The following MRPS31 variants were observed in gnomAD, a reference collection of about 807,000 sequenced individuals.
MRPS31 encodes the protein small ribosomal subunit protein mS31.
Under a neutral mutation model 43.1 loss-of-function variants are expected in MRPS31, and 32 were observed. The observed-to-expected ratio is 0.74, with a 90% CI of 0.56 to 1.00. MRPS31 has a LOEUF of 1.00. Among genes scored for constraint, MRPS31 ranks in the 50% least tolerant of loss-of-function variants. MRPS31 has a pLI of 0.00. For synonymous variants in MRPS31, 165 were observed against 161.6 expected, an observed-to-expected ratio of 1.02 and a Z score of -0.16; for missense variants, 437 against 466.7, an observed-to-expected ratio of 0.94 and a Z score of 0.59.
intron 1 of MRPS31, among the ~76,000 whole-genome samples, chr13:40,768,709 G>A (rs1041216167): frequency 6.6e-6 from 1 of 152,130 alleles, no homozygotes; most frequent in African/African-American, 2.4e-5. Flanking sequence ...TATGCTCCTT[G>A]CTAAAACATA....
chr13:40,754,466 G>T (rs1243247143), intron 4 of MRPS31, among the ~76,000 whole-genome samples: 1 of 151,966 alleles, frequency 6.6e-6, no homozygotes, highest in Non-Finnish European at 1.5e-5. Context: ...TGTCTTTAAG[G>T]GCAGAAAACA....
rs557400732 is a variant in MRPS31, at chr13:40,770,787, T to C, written c.152+198A>G. 230 of 615,846 alleles carry C rather than the reference T, an allele frequency of 3.7e-4. No homozygotes were observed. In the African/African-American group the frequency reaches 4.1e-3, roughly 11 times the overall value. The allele number at this position is 615,846 out of a possible 1,614,324, so 38.1% of individuals were successfully genotyped here. On this transcript the variant is annotated intron_variant, in intron 1 of 6. Transcript: ENST00000323563. ...AAGAGGAATGAGGCGCGGCGTGTAGTAGAGCACAGCGACCAGGTTTGTAAT... is the reference window on the plus strand; with the variant it reads ...AAGAGGAATGAGGCGCGGCGTGTAGCAGAGCACAGCGACCAGGTTTGTAAT...
intron 1 of MRPS31, among the ~76,000 whole-genome samples, chr13:40,768,267 G>A (rs1880905646): frequency 6.6e-6 from 1 of 152,114 alleles, no homozygotes; most frequent in African/African-American, 2.4e-5. Flanking sequence ...ACTAGGTACT[G>A]ACAATATATT....
rs9566577 is a variant in MRPS31 at position 40,761,244 on chromosome 13, G to A, written c.441-2138C>T. ...ATTTTTCCACTGCACTACAGCCTGA[G>A]GCACAGAGTGAGAGTCTGTCTCCAA... On this transcript the variant is annotated intron_variant, in intron 2 of 6. Coordinates refer to ENST00000323563, the MANE Select transcript of MRPS31 (RefSeq NM_005830.4). 2.0e-3 allele frequency among the ~76,000 whole-genome samples: 301 copies of A among 150,942 alleles called. 4 individuals are homozygous for A. The East Asian group carries it at 0.047, about 24-fold the overall frequency.
chr13:40,750,656 G>A (rs1339449545), intron 5 of MRPS31, among the ~76,000 whole-genome samples: 3 of 146,940 alleles, frequency 2.0e-5, no homozygotes, highest in Non-Finnish European at 4.5e-5. Context: ...ATTTTTTTCT[G>A]GGTGATATCA....
intron 3 of MRPS31, 123 bp from the exon 4 acceptor site, chr13:40,757,136 C>G: frequency 4.5e-6 from 3 of 668,790 alleles, no homozygotes; most frequent in Non-Finnish European, 7.1e-6. Flanking sequence ...AATTACACAG[C>G]ATAAAATGTT....
At chr13:40,747,829 C>T (rs1457649250) in intron 6 of MRPS31, among the ~76,000 whole-genome samples, 1 of 151,978 alleles carries the variant, frequency 6.6e-6, no homozygotes, top group Non-Finnish European at 1.5e-5. Context: ...GATGACACAG[C>T]GAGGCTCCAT....
chr13:40,767,428 G>C (rs1311773562), intron 1 of MRPS31, among the ~76,000 whole-genome samples: 1 of 152,170 alleles, frequency 6.6e-6, no homozygotes, highest in Non-Finnish European at 1.5e-5. Flanking sequence ...CCATTTATTA[G>C]CATATACTAC....
chr13:40,764,621 CTT>C (rs1231010200), intron 2 of MRPS31, among the ~76,000 whole-genome samples: 20 of 152,170 alleles, frequency 1.3e-4, no homozygotes, highest in Admixed American at 1.2e-3. Flanking sequence ...CTCACTTTCT[CTT>C]GAGACACCCG....
chr13:40,730,777 C>A, intron 6 of MRPS31, among the ~76,000 whole-genome samples: 1 of 151,776 alleles, frequency 6.6e-6, no homozygotes, highest in East Asian at 2.0e-4. Flanking sequence ...GTCAGGCTGG[C>A]TTGAACTCCT....
intron 4 of MRPS31, among the ~76,000 whole-genome samples, chr13:40,756,428 C>A (rs1257841295): frequency 6.6e-6 from 1 of 152,110 alleles, no homozygotes; most frequent in Admixed American, 6.6e-5. Flanking sequence ...TTCCTCCTGC[C>A]TTTCCTTCTT....
chr13:40,770,800 C>A, intron 1 of MRPS31, 185 bp downstream of exon 1: 1 of 677,602 alleles, frequency 1.5e-6, no homozygotes, highest in Non-Finnish European at 2.5e-6. Context: ...AGCACAGCGA[C>A]CAGGTTTGTA....
At position 40,729,292 on chromosome 13, in the gene MRPS31, C is replaced by A; in HGVS notation, c.*80G>T. ...AAATCAAATGTAATAATCAACATAA[C>A]ATATACAAACTCTAGTAAAATTATT... On this transcript the variant is annotated 3_prime_UTR_variant, in exon 7 of 7. Coordinates refer to ENST00000323563, the MANE Select transcript of MRPS31 (RefSeq NM_005830.4). 1.4e-6 allele frequency: 1 copy of A among 728,374 alleles called. No homozygotes were observed. Among genetic ancestry groups the A allele is most frequent in the South Asian group, 2.1e-5 (1 of 47,252 alleles). The allele number at this position is 728,374 out of a possible 1,614,324, so 45.1% of individuals were successfully genotyped here. A position where few individuals can be genotyped will look rare whatever the true frequency, so the allele number is the denominator to read the frequency against.
chr13:40,742,360 C>G (rs993400366), intron 6 of MRPS31, among the ~76,000 whole-genome samples: 4 of 151,374 alleles, frequency 2.6e-5, no homozygotes, highest in Admixed American at 6.6e-5. Flanking sequence ...TAGCAATGAC[C>G]AATTATTTTT....
chr13:40,739,592 C>T lies in MRPS31; in HGVS notation c.958+9546G>A, dbSNP rs995847367. Among the ~76,000 whole-genome samples, 14 of 152,056 alleles carry T rather than the reference C, an allele frequency of 9.2e-5. No individual in the cohort carries two copies. The South Asian group carries it at 1.0e-3, about 11-fold the overall frequency. ...CATGGTACTGGTACCAAAACAGAGA[C>T]ATAGATCAATGGAACAGAACAGAGC... On this transcript the variant is annotated intron_variant, in intron 6 of 6. Transcript: ENST00000323563.
At chr13:40,749,467 G>A (rs1047559488) in intron 5 of MRPS31, 186 bp from the exon 6 acceptor site, 6 of 396,426 alleles carry the variant, frequency 1.5e-5, no homozygotes, top group Non-Finnish European at 2.6e-5. Flanking sequence ...TACAATAATG[G>A]CAAGCTTAAC....
chr13:40,737,672 T>C (rs1879961556), intron 6 of MRPS31, among the ~76,000 whole-genome samples: 1 of 152,162 alleles, frequency 6.6e-6, no homozygotes, highest in Non-Finnish European at 1.5e-5. Flanking sequence ...CTGAACAACC[T>C]GCTCTTCAAT....
At chr13:40,758,777 C>G (rs770292043) in intron 3 of MRPS31, among the ~76,000 whole-genome samples, 171 bp downstream of exon 3, 4 of 152,102 alleles carry the variant, frequency 2.6e-5, no homozygotes, top group Non-Finnish European at 4.4e-5. Context: ...AAACTATAAT[C>G]ATACTTAAGA....
intron 5 of MRPS31, among the ~76,000 whole-genome samples, chr13:40,751,931 T>A (rs1471979799): frequency 6.6e-5 from 10 of 152,202 alleles, no homozygotes; most frequent in Non-Finnish European, 8.8e-5. Context: ...AAGATTTTTT[T>A]ATTTTAAAAA....
Sources: allele counts gnomAD v4.1 joint callset (sites outside exome capture counted in the v4.1 genomes callset), GRCh38; gene constraint gnomAD v4.1.1; transcripts MANE v1.5; gene names NCBI Gene and HGNC (gene_info 2026-07-23, HGNC 2026-07-21).